NAV2: variants seen among roughly 807,000 people sequenced by gnomAD.
NAV2 encodes neuron navigator 2.
NAV2 carries 54 observed loss-of-function variants against 223.2 expected under a neutral mutation model. That is an observed-to-expected ratio of 0.24 (90% confidence interval 0.19 to 0.30). NAV2 has a LOEUF of 0.30. Ranked by LOEUF, NAV2 falls within the 10% of genes least tolerant of loss-of-function variation. The pLI is 1.00. For synonymous variants in NAV2, 1,279 were observed against 1,239.3 expected, an observed-to-expected ratio of 1.03 and a Z score of -0.67; for missense variants, 2,806 against 3,147.5, an observed-to-expected ratio of 0.89 and a Z score of 2.60.
chr11:19,583,183 G>T (rs2045779124), intron 1 of NAV2, among the ~76,000 whole-genome samples: 2 of 152,156 alleles, frequency 1.3e-5, no homozygotes, highest in Admixed American at 1.3e-4. Context: ...CTGTTTCTCT[G>T]TTATTGGTGT....
At chr11:19,604,173 C>T (rs1005915469) in intron 1 of NAV2, among the ~76,000 whole-genome samples, 2 of 152,090 alleles carry the variant, frequency 1.3e-5, no homozygotes, top group South Asian at 2.1e-4. Flanking sequence ...AGAGGAGAAA[C>T]ATCGTGTGAC....
chr11:19,462,995 T>C (rs1167554900), intron 1 of NAV2, among the ~76,000 whole-genome samples: 1 of 152,192 alleles, frequency 6.6e-6, no homozygotes, highest in East Asian at 1.9e-4. Context: ...CTTCTTTTCT[T>C]CGATAGTAAC....
At chr11:19,447,026 C>T (rs941174619) in intron 1 of NAV2, among the ~76,000 whole-genome samples, 3 of 152,200 alleles carry the variant, frequency 2.0e-5, no homozygotes, top group African/African-American at 7.2e-5. Flanking sequence ...ATGCTGCCTG[C>T]TGGACCAGAA....
At chr11:20,103,150 C>A in intron 32 of NAV2, 105 bp from the exon 33 acceptor site, 1 of 1,085,324 alleles carries the variant, frequency 9.2e-7, no homozygotes. Context: ...TCATGAAGGG[C>A]CTTTCTGCCT....
At chr11:19,565,389 C>A (rs1313763569) in intron 1 of NAV2, among the ~76,000 whole-genome samples, 1 of 152,226 alleles carries the variant, frequency 6.6e-6, no homozygotes, top group African/African-American at 2.4e-5. Flanking sequence ...TAAAGGTCCC[C>A]TCCTCCCTCT....
In NAV2 at chr11:20,045,366, A is replaced by G. The variant is rs763742192; in HGVS notation, c.3598A>G (p.Asn1200Asp). Residue 1200 changes from asparagine (N) to aspartate (D), a missense_variant, in exon 14 of 38, where the codon AAC becomes GAC. Asn to Asp is a conservative substitution (Grantham distance 23, BLOSUM62 1). Around this residue, in one of 4 missense-constraint regions of NAV2, gnomAD observed 742 missense variants for 777.9 expected, o/e 0.95. Transcript: ENST00000349880. ...GAGTTTGCCGAGGCCCAGTAAGTCCAACAGCCGGAACGGGGCTGGGAACAG... is the reference window on the plus strand; with the variant it reads ...GAGTTTGCCGAGGCCCAGTAAGTCCGACAGCCGGAACGGGGCTGGGAACAG... ...YRSLPRPSKS[N>D]SRNGAGNRSS... 6.2e-7 allele frequency: 1 copy of G among 1,614,160 alleles called. No individual in the cohort carries two copies. Among genetic ancestry groups the G allele is most frequent in the Admixed American group, 1.7e-5 (1 of 60,024 alleles).
intron 6 of NAV2, among the ~76,000 whole-genome samples, chr11:19,898,709 T>C (rs1205608150): frequency 2.0e-5 from 3 of 152,236 alleles, no homozygotes; most frequent in African/African-American, 7.2e-5. Context: ...AGGGTATGCA[T>C]AGTTTCCTTA....
intron 1 of NAV2, among the ~76,000 whole-genome samples, chr11:19,358,136 T>A (rs577549707): frequency 3.3e-5 from 5 of 152,308 alleles, no homozygotes; most frequent in Admixed American, 3.3e-4. Flanking sequence ...CATTAATTTT[T>A]AATCTTCTTT....
chr11:19,461,874 C>T (rs1227538597), intron 1 of NAV2, among the ~76,000 whole-genome samples: 2 of 152,170 alleles, frequency 1.3e-5, no homozygotes, highest in African/African-American at 4.8e-5. Flanking sequence ...GGCGCGATCT[C>T]GCCTCACTGC....
intron 1 of NAV2, among the ~76,000 whole-genome samples, chr11:19,570,995 G>A (rs2045409623): frequency 6.6e-6 from 1 of 152,214 alleles, no homozygotes; most frequent in Admixed American, 6.5e-5. Context: ...AATGTTCATA[G>A]CAGCAGTGTT....
intron 5 of NAV2, among the ~76,000 whole-genome samples, chr11:19,887,537 CT>C (rs757780035): frequency 1.7e-4 from 26 of 151,944 alleles, no homozygotes; most frequent in Non-Finnish European, 2.5e-4. Context: ...CATTGTGAGG[CT>C]TAAAAAAGTC....
chr11:19,903,514 G>T (rs1221553494), intron 6 of NAV2, among the ~76,000 whole-genome samples: 3 of 152,108 alleles, frequency 2.0e-5, no homozygotes, highest in Non-Finnish European at 2.9e-5. Flanking sequence ...AAAGGTAAAG[G>T]CAGCCTCTTA....
chr11:19,690,561 A>T (rs1009929033), intron 1 of NAV2, among the ~76,000 whole-genome samples: 1 of 152,232 alleles, frequency 6.6e-6, no homozygotes, highest in African/African-American at 2.4e-5. Context: ...GTGCTCAAAA[A>T]TGTTAATTAA....
intron 10 of NAV2, among the ~76,000 whole-genome samples, chr11:19,982,476 A>C (rs7112829): frequency 6.6e-6 from 1 of 152,034 alleles, no homozygotes; most frequent in Admixed American, 6.5e-5. Context: ...ATGGTTTTTA[A>C]TGTATTCACA....
chr11:19,346,238 GTGTC>G (rs1682922855), upstream of NAV2, among the ~76,000 whole-genome samples: 1 of 152,200 alleles, frequency 6.6e-6, no homozygotes, highest in Admixed American at 6.5e-5. Flanking sequence ...GTCTGTATGT[GTGTC>G]TGTCTGCATG....
At chr11:19,414,458 A>T (rs913764237) in intron 1 of NAV2, among the ~76,000 whole-genome samples, 2 of 152,214 alleles carry the variant, frequency 1.3e-5, no homozygotes, top group Admixed American at 6.5e-5. Context: ...GATCTTAGAG[A>T]CCTACAAAGA....
At chr11:19,919,972 A>G (rs1250602489) in intron 6 of NAV2, among the ~76,000 whole-genome samples, 1 of 152,036 alleles carries the variant, frequency 6.6e-6, no homozygotes, top group East Asian at 1.9e-4. Context: ...CCATCTCTAC[A>G]AAAAATAAAA....
chr11:20,085,594 G>C (rs1330196092), intron 26 of NAV2, among the ~76,000 whole-genome samples: 1 of 152,228 alleles, frequency 6.6e-6, no homozygotes, highest in East Asian at 1.9e-4. Context: ...AACATTAGCT[G>C]CTGTAACAAA....
chr11:19,609,467 T>C (rs2046572062), intron 1 of NAV2, among the ~76,000 whole-genome samples: 1 of 151,622 alleles, frequency 6.6e-6, no homozygotes, highest in South Asian at 2.1e-4. Flanking sequence ...GAAGAGCAGG[T>C]GAAGGGAGGG....
Sources: gnomAD v4.1 joint callset for allele counts (sites outside exome capture counted in the v4.1 genomes callset) on GRCh38, gnomAD v4.1.1 for gene constraint, gnomAD v4.1.1 regional missense constraint, MANE v1.5 for transcripts, NCBI Gene and HGNC (gene_info 2026-07-23, HGNC 2026-07-21) for gene names.